CNTNAP2: variants seen among roughly 807,000 people sequenced by gnomAD.
CNTNAP2 encodes contactin associated protein 2, also known as contactin-associated protein-like 2.
Under a neutral mutation model 155.2 loss-of-function variants are expected in CNTNAP2, and 98 were observed. The ratio of observed to expected loss-of-function variants is 0.63; its 90% CI spans 0.54 to 0.75. The LOEUF is 0.75. Among genes scored for constraint, CNTNAP2 ranks in the 30% least tolerant of loss-of-function variants. The probability of loss-of-function intolerance (pLI) is 0.00; values close to 1 mark genes in which losing one functional copy is unlikely to be tolerated. For missense variants in CNTNAP2, 1,727 were observed against 1,688.1 expected (o/e 1.02, Z -0.40); for synonymous variants, 651 against 631.2 (o/e 1.03, Z -0.47).
intron 1 of CNTNAP2, among the ~76,000 whole-genome samples, chr7:146,329,184 C>T (rs983406641): frequency 2.0e-5 from 3 of 152,160 alleles, no homozygotes; most frequent in African/African-American, 4.8e-5. Flanking sequence ...CAACAGCCAT[C>T]CTAACAGGTG....
At chr7:147,324,228 C>A (rs1443772909) in intron 9 of CNTNAP2, among the ~76,000 whole-genome samples, 1 of 151,964 alleles carries the variant, frequency 6.6e-6, no homozygotes, top group Non-Finnish European at 1.5e-5. Flanking sequence ...TTTGTTTATC[C>A]CAGTACACTA....
intron 13 of CNTNAP2, among the ~76,000 whole-genome samples, chr7:147,722,751 T>G (rs1395254858): frequency 6.6e-6 from 1 of 152,084 alleles, no homozygotes; most frequent in African/African-American, 2.4e-5. Flanking sequence ...GAGCACTATT[T>G]GCAAATATGT....
chr7:147,741,795 T>A (rs1292895142), intron 13 of CNTNAP2, among the ~76,000 whole-genome samples: 1 of 152,248 alleles, frequency 6.6e-6, no homozygotes, highest in Admixed American at 6.5e-5. Flanking sequence ...GTGCTCCTCA[T>A]AACATGTTGT....
chr7:148,182,228 C>T (rs1795050984), intron 18 of CNTNAP2, among the ~76,000 whole-genome samples: 2 of 152,206 alleles, frequency 1.3e-5, no homozygotes, highest in Admixed American at 6.5e-5. Flanking sequence ...TCTTTTCCCA[C>T]ATATTAGCTC....
At chr7:147,215,711 G>A (rs1803253743) in intron 8 of CNTNAP2, among the ~76,000 whole-genome samples, 1 of 152,146 alleles carries the variant, frequency 6.6e-6, no homozygotes, top group African/African-American at 2.4e-5. Context: ...ATACCAAGAA[G>A]TGAGATTGCT....
intron 17 of CNTNAP2, among the ~76,000 whole-genome samples, chr7:148,155,674 A>G (rs987912772): frequency 7.2e-5 from 11 of 152,236 alleles, no homozygotes; most frequent in Admixed American, 7.2e-4. Context: ...ACAGCTTTTT[A>G]AAAAATTTAT....
intron 13 of CNTNAP2, among the ~76,000 whole-genome samples, chr7:147,873,959 A>G (rs1799378480): frequency 6.6e-6 from 1 of 152,124 alleles, no homozygotes; most frequent in African/African-American, 2.4e-5. Context: ...TTAAACCTTA[A>G]AGTTCCAAAA....
At chr7:146,429,769 T>C (rs938292657) in intron 1 of CNTNAP2, among the ~76,000 whole-genome samples, 1 of 152,154 alleles carries the variant, frequency 6.6e-6, no homozygotes, top group Non-Finnish European at 1.5e-5. Flanking sequence ...CTATGTTGAA[T>C]AGGAGTGGTG....
At chr7:146,646,218 T>G (rs974584665) in intron 1 of CNTNAP2, among the ~76,000 whole-genome samples, 1 of 152,118 alleles carries the variant, frequency 6.6e-6, no homozygotes, top group Admixed American at 6.6e-5. Context: ...AATCACATAA[T>G]GTAGTTCATG....
intron 12 of CNTNAP2, among the ~76,000 whole-genome samples, chr7:147,606,545 A>T (rs1801066945): frequency 6.6e-6 from 1 of 152,164 alleles, no homozygotes; most frequent in South Asian, 2.1e-4. Flanking sequence ...TTTTATTCTT[A>T]ATTTTATTTC....
chr7:147,032,362 C>A (rs1799051758), intron 3 of CNTNAP2, among the ~76,000 whole-genome samples: 1 of 152,146 alleles, frequency 6.6e-6, no homozygotes, highest in African/African-American at 2.4e-5. Context: ...GTCTCTTGGA[C>A]ACTAAGGTTA....
At chr7:146,692,999 A>C (rs1020100861) in intron 1 of CNTNAP2, among the ~76,000 whole-genome samples, 1 of 152,112 alleles carries the variant, frequency 6.6e-6, no homozygotes, top group Non-Finnish European at 1.5e-5. Flanking sequence ...GTAAAAGGGC[A>C]CTGGACTTGA....
At chr7:146,585,349 T>A (rs1372591787) in intron 1 of CNTNAP2, among the ~76,000 whole-genome samples, 1 of 152,058 alleles carries the variant, frequency 6.6e-6, no homozygotes, top group East Asian at 1.9e-4. Flanking sequence ...TTCGATCTCC[T>A]GACCTCGTGA....
chr7:148,283,174 G>T (rs1341875591), intron 21 of CNTNAP2, among the ~76,000 whole-genome samples: 1 of 147,704 alleles, frequency 6.8e-6, no homozygotes, highest in Non-Finnish European at 1.5e-5. Context: ...AGGAGGTGGA[G>T]TTGCAGTGAG....
At chr7:147,432,533 T>C (rs911634082) in intron 10 of CNTNAP2, among the ~76,000 whole-genome samples, 4 of 152,236 alleles carry the variant, frequency 2.6e-5, no homozygotes, top group African/African-American at 4.8e-5. Flanking sequence ...GTGAGTCTCA[T>C]TGGTTATCTA....
At chr7:148,019,533 C>T (rs1040581549) in intron 15 of CNTNAP2, among the ~76,000 whole-genome samples, 1 of 152,134 alleles carries the variant, frequency 6.6e-6, no homozygotes, top group African/African-American at 2.4e-5. Flanking sequence ...TATCTTGGCT[C>T]AATGCAACCA....
intron 20 of CNTNAP2, among the ~76,000 whole-genome samples, chr7:148,249,434 A>G (rs1200699892): frequency 1.3e-5 from 2 of 151,986 alleles, no homozygotes; most frequent in Admixed American, 6.6e-5. Context: ...GTGCTTTACC[A>G]TTTGTATTCA....
intron 12 of CNTNAP2, among the ~76,000 whole-genome samples, chr7:147,566,014 CT>C (rs1800162072): frequency 6.6e-6 from 1 of 151,410 alleles, no homozygotes; most frequent in Non-Finnish European, 1.5e-5. Flanking sequence ...GACACGATGA[CT>C]CACGCCTGTA....
chr7:146,815,440 CTA>C (rs1803147291), intron 2 of CNTNAP2, among the ~76,000 whole-genome samples: 1 of 151,900 alleles, frequency 6.6e-6, no homozygotes, highest in Admixed American at 6.6e-5. Flanking sequence ...TTAATGATCT[CTA>C]TGATTACATT....
Sources: allele counts gnomAD v4.1 joint callset (sites outside exome capture counted in the v4.1 genomes callset), GRCh38; gene constraint gnomAD v4.1.1; transcripts MANE v1.5; gene names NCBI Gene and HGNC (gene_info 2026-07-23, HGNC 2026-07-21).